H2AC25: variants seen among roughly 807,000 people sequenced by gnomAD.
H2AC25 encodes the protein H2A clustered histone 25, also known as histone H2A type 3.
chr1:228,457,715 G>A, the H2AC25 span: 17 of 1,612,910 alleles, frequency 1.1e-5, no homozygotes, highest in East Asian at 2.2e-5. Context: ...CCCTTGCGGA[G>A]CAACCGGTGC....
the H2AC25 span, chr1:228,457,705 C>T: frequency 6.2e-7 from 1 of 1,613,294 alleles, no homozygotes; most frequent in Non-Finnish European, 8.5e-7. Flanking sequence ...CGAATAGTTG[C>T]CCTTGCGGAG....
chr1:228,457,855 G>C, the H2AC25 span: 16 of 1,571,954 alleles, frequency 1.0e-5, no homozygotes, highest in Admixed American at 9.4e-5. Flanking sequence ...CAACCGAAAA[G>C]CGAGACTAAA....
the H2AC25 span, chr1:228,457,565 G>A: frequency 1.9e-6 from 3 of 1,614,098 alleles, no homozygotes; most frequent in Middle Eastern, 1.6e-4. Flanking sequence ...ATGGCCAGCT[G>A]CAGGTGGCGC....
chr1:228,457,779 G>T, the H2AC25 span: 4 of 1,609,038 alleles, frequency 2.5e-6, no homozygotes, highest in Non-Finnish European at 3.4e-6. Flanking sequence ...ACTTAGCCTT[G>T]GCGCGCGCCT....
chr1:228,457,719 C>CCGGTGCACG, the H2AC25 span: 3 of 1,612,840 alleles, frequency 1.9e-6, no homozygotes, highest in African/African-American at 4.0e-5. Context: ...TGCGGAGCAA[C>CCGGTGCACG]CGGTGCACGC....
chr1:228,457,408 G>A, the H2AC25 span: 2 of 1,613,456 alleles, frequency 1.2e-6, no homozygotes, highest in Non-Finnish European at 1.7e-6. Context: ...AAGGGGCCCC[G>A]GGGGCGGCGG....
chr1:228,457,414 G>A, the H2AC25 span: 8 of 1,613,666 alleles, frequency 5.0e-6, no homozygotes, highest in East Asian at 4.5e-5. Flanking sequence ...CCCCGGGGGC[G>A]GCGGGCGGCC....
chr1:228,457,406 CCGGGGGCGG>C, the H2AC25 span: 2 of 1,613,544 alleles, frequency 1.2e-6, no homozygotes, highest in East Asian at 2.2e-5. Context: ...CAAAGGGGCC[CCGGGGGCGG>C]CGGGCGGCCT....
chr1:228,457,830 G>GA, the H2AC25 span: 164 of 1,581,496 alleles, frequency 1.0e-4, no homozygotes, highest in Non-Finnish European at 1.3e-4. Context: ...CCGAGTCAAG[G>GA]AAAAAAGACA....
the H2AC25 span, chr1:228,457,767 C>A: frequency 1.9e-6 from 3 of 1,610,552 alleles, no homozygotes; most frequent in South Asian, 2.2e-5. Flanking sequence ...GCGACGAGCG[C>A]GACTTAGCCT....
At chr1:228,457,786 G>C in the H2AC25 span, 18 of 1,608,062 alleles carry the variant, frequency 1.1e-5, no homozygotes, top group Non-Finnish European at 1.5e-5. Context: ...CTTGGCGCGC[G>C]CCTTGCCACC....
chr1:228,457,739 G>A, the H2AC25 span: 1 of 1,612,408 alleles, frequency 6.2e-7, no homozygotes, highest in Non-Finnish European at 8.5e-7. Context: ...CGGCCCACGG[G>A]GAACTGCAGC....
chr1:228,457,479 C>A, the H2AC25 span: 1 of 1,614,130 alleles, frequency 6.2e-7, no homozygotes, highest in African/African-American at 1.3e-5. Flanking sequence ...GCAGTACGGC[C>A]TGGATGTTGG....
At chr1:228,457,775 C>A in the H2AC25 span, 1 of 1,609,060 alleles carries the variant, frequency 6.2e-7, no homozygotes, top group Non-Finnish European at 8.5e-7. Flanking sequence ...CGCGACTTAG[C>A]CTTGGCGCGC....
the H2AC25 span, chr1:228,457,520 G>A: frequency 6.2e-7 from 1 of 1,614,086 alleles, no homozygotes; most frequent in Non-Finnish European, 8.5e-7. Flanking sequence ...ATGGTCACGC[G>A]GCCCAGCAGC....
the H2AC25 span, chr1:228,457,648 T>G: frequency 1.2e-6 from 2 of 1,613,858 alleles, no homozygotes; most frequent in Non-Finnish European, 8.5e-7. Flanking sequence ...AGTCAAGTAC[T>G]CGAGCACCGC....
the H2AC25 span, chr1:228,457,791 G>A: frequency 3.7e-6 from 6 of 1,606,738 alleles, no homozygotes; most frequent in East Asian, 2.2e-5. Context: ...CGCGCGCCTT[G>A]CCACCCTGCT....
chr1:228,457,505 G>A, the H2AC25 span: 2 of 1,614,128 alleles, frequency 1.2e-6, no homozygotes, highest in Non-Finnish European at 1.7e-6. Flanking sequence ...ACGCCACCCT[G>A]CGCGATGGTC....
the H2AC25 span, chr1:228,457,403 G>GCC: frequency 6.2e-7 from 1 of 1,613,460 alleles, no homozygotes; most frequent in South Asian, 1.1e-5. Flanking sequence ...CATCAAAGGG[G>GCC]CCCCGGGGGC....
Sources: allele counts gnomAD v4.1 joint callset, GRCh38; gene constraint gnomAD v4.1.1; transcripts MANE v1.5; gene names NCBI Gene and HGNC (gene_info 2026-07-23, HGNC 2026-07-21).